Variants in RAD18 observed in about 807,000 individuals in gnomAD.
The protein encoded by RAD18 is RAD18 E3 ubiquitin protein ligase, also known as E3 ubiquitin-protein ligase RAD18.
In RAD18, 47 loss-of-function variants were observed where a neutral mutation model predicts 60.4. The observed-to-expected ratio is 0.78, with a 90% CI of 0.62 to 0.99. The LOEUF (loss-of-function observed/expected upper bound fraction) is 0.99, where lower values mean the gene tolerates loss of function less well. Ranked by LOEUF, RAD18 falls within the 50% of genes least tolerant of loss-of-function variation. RAD18 has a pLI of 0.00. For synonymous variants in RAD18, 225 were observed against 195.5 expected (o/e 1.15, Z -1.26); for missense variants, 640 against 593.3 (o/e 1.08, Z -0.82).
In RAD18 at chr3:8,935,886, A is replaced by C; in HGVS notation, c.874T>G (p.Leu292Val). ...ATTACTTTACCTGATTTAGGATGCAAAGCATCGCATTGGGCATTGTACATG... is the reference window on the plus strand; with the variant it reads ...ATTACTTTACCTGATTTAGGATGCACAGCATCGCATTGGGCATTGTACATG... Reference protein sequence around the residue: ...VHMYNAQCDALHPKSAAEIVR... With the variant: ...VHMYNAQCDAVHPKSAAEIVR... Residue 292 changes from leucine to valine, a missense_variant, in exon 7 of 13, where the codon TTG becomes GTG. Coordinates refer to ENST00000264926, the MANE Select transcript of RAD18 (RefSeq NM_020165.4). 1 of 1,587,812 alleles carries C rather than the reference A, an allele frequency of 6.3e-7. No homozygotes were observed. Among genetic ancestry groups the C allele is most frequent in the Non-Finnish European group, 8.5e-7 (1 of 1,170,950 alleles).
At chr3:8,916,189 T>C (rs1373358480) in intron 7 of RAD18, among the ~76,000 whole-genome samples, 2 of 152,156 alleles carry the variant, frequency 1.3e-5, no homozygotes, top group Non-Finnish European at 2.9e-5. Flanking sequence ...CAGGAAACCA[T>C]TCTGGGCCCT....
chr3:8,918,362 AG>A (rs1303701389), intron 7 of RAD18, among the ~76,000 whole-genome samples: 4 of 151,810 alleles, frequency 2.6e-5, no homozygotes, highest in Non-Finnish European at 5.9e-5. Flanking sequence ...TCGTGATAAA[AG>A]GGTCAATTTA....
chr3:8,881,294 T>G lies in RAD18; in HGVS notation c.*63A>C. 4 of 1,298,470 alleles carry G rather than the reference T, an allele frequency of 3.1e-6. No individual in the cohort carries two copies. The highest frequency in any genetic ancestry group is 4.4e-6 in the Non-Finnish European group (4 of 910,484). 80.4% of individuals were successfully genotyped at this position (1,298,470 alleles called of 1,614,324 possible). ...TGGGCATTTATAAATAGAAAATCTA[T>G]CTGTGGCAACCAAAAGTACGGTATT... On this transcript the variant is annotated 3_prime_UTR_variant, in exon 13 of 13. Coordinates refer to ENST00000264926, the MANE Select transcript of RAD18 (RefSeq NM_020165.4).
chr3:8,925,735 T>A (rs1344983479), intron 7 of RAD18, among the ~76,000 whole-genome samples: 1 of 152,196 alleles, frequency 6.6e-6, no homozygotes, highest in African/African-American at 2.4e-5. Context: ...GCTTCATCCC[T>A]GGGATGCAAG....
intron 9 of RAD18, among the ~76,000 whole-genome samples, chr3:8,905,366 A>AC (rs1416581903): frequency 6.6e-6 from 1 of 152,198 alleles, no homozygotes; most frequent in East Asian, 1.9e-4. Flanking sequence ...TCTTCTTTAG[A>AC]CCAGCCCTTA....
At chr3:8,893,147 A>AT (rs1939722551) in intron 11 of RAD18, among the ~76,000 whole-genome samples, 1 of 152,156 alleles carries the variant, frequency 6.6e-6, no homozygotes, top group South Asian at 2.1e-4. Flanking sequence ...TATGTGCTCT[A>AT]TTTTAATCTT....
At chr3:8,947,788 T>C (rs542270881) in intron 3 of RAD18, among the ~76,000 whole-genome samples, 3 of 152,342 alleles carry the variant, frequency 2.0e-5, no homozygotes, top group Non-Finnish European at 4.4e-5. Flanking sequence ...GAGACCATCT[T>C]GTCAAAAGCA....
At chr3:8,944,542 GAGGAAGGGA>G (rs1218820728) in intron 4 of RAD18, among the ~76,000 whole-genome samples, 1 of 150,532 alleles carries the variant, frequency 6.6e-6, no homozygotes, top group Non-Finnish European at 1.5e-5. Flanking sequence ...AGAGGAAAGG[GAGGAAGGGA>G]AGGAAAGGGA....
chr3:8,951,847 C>T (rs1034365388), intron 2 of RAD18, among the ~76,000 whole-genome samples: 5 of 152,134 alleles, frequency 3.3e-5, no homozygotes, highest in Admixed American at 3.3e-4. Context: ...GCTAAAAGTC[C>T]AAGATCAAGG....
In RAD18 at chr3:8,912,383, C is replaced by A. The variant is rs1002236200; in HGVS notation, c.967-11G>T. On this transcript the variant is annotated splice_polypyrimidine_tract_variant and intron_variant, in intron 8 of 12. Transcript: ENST00000264926. ...TGTAAAAACCATTACCTAAAATAAT[C>A]AAAAAAAGACCTTAATAAAAATCTC... 4.0e-6 allele frequency: 6 copies of A among 1,504,670 alleles called. No individual in the cohort carries two copies. The highest frequency in any genetic ancestry group is 2.3e-5 in the Admixed American group (1 of 43,534). The allele number at this position is 1,504,670 out of a possible 1,614,324, so 93.2% of individuals were successfully genotyped here.
intron 2 of RAD18, among the ~76,000 whole-genome samples, chr3:8,951,933 T>C (rs1399065357): frequency 1.3e-5 from 2 of 152,224 alleles, no homozygotes; most frequent in African/African-American, 4.8e-5. Flanking sequence ...CGTCCTCCCA[T>C]GAGGGGGTGA....
intron 7 of RAD18, among the ~76,000 whole-genome samples, chr3:8,930,933 T>C (rs534813275): frequency 6.6e-6 from 1 of 152,182 alleles, no homozygotes; most frequent in South Asian, 2.1e-4. Context: ...AAGAAATTCA[T>C]TTAAAAAAAA....
chr3:8,895,644 TTTTG>T (rs898753151), intron 11 of RAD18, among the ~76,000 whole-genome samples: 1 of 152,020 alleles, frequency 6.6e-6, no homozygotes, highest in Non-Finnish European at 1.5e-5. Flanking sequence ...TCTCTTTTTT[TTTTG>T]TTTGTTTGTT....
intron 4 of RAD18, chr3:8,946,820 G>T (rs45475392): frequency 0.049 from 8,030 of 163,126 alleles, 560 homozygotes; most frequent in East Asian, 0.21. Flanking sequence ...TCCATTGAGA[G>T]GGCCTAGAAG....
At chr3:8,896,379 T>C (rs1939783325) in intron 11 of RAD18, among the ~76,000 whole-genome samples, 1 of 152,172 alleles carries the variant, frequency 6.6e-6, no homozygotes, top group South Asian at 2.1e-4. Context: ...ACCTGTTCAT[T>C]TAACTTTTAA....
intron 9 of RAD18, among the ~76,000 whole-genome samples, chr3:8,906,291 T>A (rs1242941981): frequency 6.6e-6 from 1 of 152,100 alleles, no homozygotes; most frequent in Non-Finnish European, 1.5e-5. Flanking sequence ...GAGTTAAATA[T>A]CTCCCAATTT....
chr3:8,952,573 T>C (rs1940943850), intron 2 of RAD18, among the ~76,000 whole-genome samples: 1 of 152,322 alleles, frequency 6.6e-6, no homozygotes, highest in South Asian at 2.1e-4. Context: ...AATTAATAAG[T>C]TGTCACTATT....
At chr3:8,900,203 C>G (rs1939880361) in intron 10 of RAD18, among the ~76,000 whole-genome samples, 1 of 152,060 alleles carries the variant, frequency 6.6e-6, no homozygotes, top group South Asian at 2.1e-4. Context: ...CAAAACAGCA[C>G]CCTCTAATGT....
intron 7 of RAD18, among the ~76,000 whole-genome samples, chr3:8,932,319 CA>C (rs1392917980): frequency 6.6e-6 from 1 of 151,994 alleles, no homozygotes; most frequent in Non-Finnish European, 1.5e-5. Flanking sequence ...AAATAACTTA[CA>C]AATCAATAAA....
Sources: gnomAD v4.1 joint callset for allele counts (sites outside exome capture counted in the v4.1 genomes callset) on GRCh38, gnomAD v4.1.1 for gene constraint, MANE v1.5 for transcripts, NCBI Gene and HGNC (gene_info 2026-07-23, HGNC 2026-07-21) for gene names.